PTPRT: variants seen among roughly 807,000 people sequenced by gnomAD.
The protein encoded by PTPRT is receptor-type tyrosine-protein phosphatase T.
A neutral mutation model predicts 176.8 loss-of-function variants in PTPRT; 56 were observed. The ratio of observed to expected loss-of-function variants is 0.32; its 90% confidence interval spans 0.26 to 0.40. PTPRT has a LOEUF of 0.40. PTPRT is among the 10% of genes least tolerant of loss of function. The probability of loss-of-function intolerance (pLI) is 1.00; values close to 1 mark genes in which losing one functional copy is unlikely to be tolerated. For synonymous variants in PTPRT, 783 were observed against 739.0 expected, an observed-to-expected ratio of 1.06 and a Z score of -0.96; for missense variants, 1,540 against 1,908.2, an observed-to-expected ratio of 0.81 and a Z score of 3.60.
intron 15 of PTPRT, among the ~76,000 whole-genome samples, chr20:42,213,270 G>GAATT (rs1162627307): frequency 2.8e-5 from 2 of 71,794 alleles, no homozygotes; most frequent in African/African-American, 6.7e-5. Context: ...CAGCAGGTCT[G>GAATT]AATTAGTAAA....
intron 13 of PTPRT, among the ~76,000 whole-genome samples, chr20:42,256,973 C>T (rs2056652970): frequency 6.6e-6 from 1 of 152,152 alleles, no homozygotes; most frequent in African/African-American, 2.4e-5. Flanking sequence ...CCAGCTTTAC[C>T]ATCTCTTATT....
intron 1 of PTPRT, among the ~76,000 whole-genome samples, chr20:42,890,037 C>T (rs2079166383): frequency 6.6e-6 from 1 of 152,164 alleles, no homozygotes; most frequent in South Asian, 2.1e-4. Context: ...AATTTCTCTG[C>T]AGGAATACTC....
intron 3 of PTPRT, among the ~76,000 whole-genome samples, chr20:42,789,236 T>C (rs960660010): frequency 1.7e-4 from 26 of 152,374 alleles, no homozygotes; most frequent in African/African-American, 6.0e-4. Context: ...TTAGATTGAT[T>C]ACATGTCCAA....
At chr20:42,213,994 C>G (rs2055708825) in intron 15 of PTPRT, among the ~76,000 whole-genome samples, 1 of 152,188 alleles carries the variant, frequency 6.6e-6, no homozygotes, top group African/African-American at 2.4e-5. Context: ...ATACCAGCCA[C>G]TATTCAAGGC....
chr20:42,074,487 C>T lies in PTPRT; in HGVS notation c.*6392G>A, dbSNP rs2144011. ...TCAAGGCCACCAGACACTCATTCTC[C>T]GAACATTCCAATTAAGGATCAGAGT... is the stretch of plus-strand genomic sequence containing the variant. On this transcript the variant is annotated 3_prime_UTR_variant, in exon 31 of 31. Transcript: ENST00000373187. 130,402 of 321,098 alleles carry T rather than the reference C, an allele frequency of 0.41. 26,834 individuals are homozygous for T. The highest frequency in any genetic ancestry group is 0.47 in the Admixed American group (9,490 of 20,272). The allele number at this position is 321,098 out of a possible 1,614,324, so 19.9% of individuals were successfully genotyped here.
chr20:42,215,244 G>A (rs2055741328), intron 15 of PTPRT, among the ~76,000 whole-genome samples: 1 of 152,114 alleles, frequency 6.6e-6, no homozygotes, highest in Non-Finnish European at 1.5e-5. Context: ...AATACCATGG[G>A]CTCTGGCCCT....
intron 7 of PTPRT, among the ~76,000 whole-genome samples, chr20:42,674,638 T>A (rs2075469368): frequency 6.6e-6 from 1 of 152,224 alleles, no homozygotes. Context: ...GATAAGGTAT[T>A]ACCCAGTTTA....
intron 1 of PTPRT, among the ~76,000 whole-genome samples, chr20:42,981,060 G>T (rs149623870): frequency 2.7e-4 from 41 of 152,184 alleles, no homozygotes; most frequent in African/African-American, 9.2e-4. Context: ...AACACAGATG[G>T]CCTGAGAATT....
intron 15 of PTPRT, among the ~76,000 whole-genome samples, chr20:42,222,477 T>C (rs912043472): frequency 1.3e-5 from 2 of 152,200 alleles, no homozygotes; most frequent in South Asian, 4.1e-4. Context: ...TCCTTTCACT[T>C]GCCCCAAGGC....
At chr20:42,032,392 G>A in the PTPRT span, among the ~76,000 whole-genome samples, 4 of 152,168 alleles carry the variant, frequency 2.6e-5, no homozygotes, top group African/African-American at 9.7e-5. Context: ...TTCAAGGAGA[G>A]ACACTGATAA....
At chr20:43,177,495 A>AAAGATACC (rs1360196062) in intron 1 of PTPRT, among the ~76,000 whole-genome samples, 1 of 152,202 alleles carries the variant, frequency 6.6e-6, no homozygotes, top group Non-Finnish European at 1.5e-5. Context: ...CTGGAATGGG[A>AAAGATACC]AAGATACCAA....
At chr20:42,950,558 A>G (rs1168317017) in intron 1 of PTPRT, among the ~76,000 whole-genome samples, 3 of 152,094 alleles carry the variant, frequency 2.0e-5, no homozygotes, top group Non-Finnish European at 4.4e-5. Flanking sequence ...TCCAAACCCC[A>G]ACCTGAGAGG....
intron 7 of PTPRT, among the ~76,000 whole-genome samples, chr20:42,600,388 C>T (rs767660027): frequency 2.0e-5 from 3 of 152,216 alleles, no homozygotes; most frequent in Non-Finnish European, 4.4e-5. Context: ...GATCTGCCTG[C>T]ATTGGCCTCC....
intron 1 of PTPRT, among the ~76,000 whole-genome samples, chr20:42,931,866 C>A (rs1600569298): frequency 6.6e-6 from 1 of 152,146 alleles, no homozygotes. Context: ...ACCAGTAAAC[C>A]CTGGAATGAT....
intron 9 of PTPRT, among the ~76,000 whole-genome samples, chr20:42,354,567 C>G (rs1023038731): frequency 1.3e-5 from 2 of 152,226 alleles, no homozygotes; most frequent in Admixed American, 1.3e-4. Context: ...CCTGTGTACT[C>G]CTGTGTTCTA....
At chr20:42,098,954 G>A (rs1016261992) in intron 26 of PTPRT, among the ~76,000 whole-genome samples, 1 of 152,226 alleles carries the variant, frequency 6.6e-6, no homozygotes, top group Admixed American at 6.5e-5. Context: ...GTTTTGGGTC[G>A]GCCTGAGGCC....
chr20:42,310,292 T>G (rs1457115207), intron 12 of PTPRT, among the ~76,000 whole-genome samples: 5 of 151,948 alleles, frequency 3.3e-5, no homozygotes, highest in Non-Finnish European at 5.9e-5. Flanking sequence ...GTAAGTAGGA[T>G]GAAGGATACC....
chr20:42,907,793 T>C (rs1444376176), intron 1 of PTPRT, among the ~76,000 whole-genome samples: 3 of 150,684 alleles, frequency 2.0e-5, no homozygotes, highest in African/African-American at 7.5e-5. Context: ...ACTTCTCTCA[T>C]CCAGGAGAGC....
intron 7 of PTPRT, among the ~76,000 whole-genome samples, chr20:42,629,105 G>T (rs1294140235): frequency 6.6e-6 from 1 of 152,112 alleles, no homozygotes; most frequent in South Asian, 2.1e-4. Flanking sequence ...ATGGTAAGAG[G>T]AACAGATCTG....
Sources: gnomAD v4.1 joint callset for allele counts (sites outside exome capture counted in the v4.1 genomes callset) on GRCh38, gnomAD v4.1.1 for gene constraint, MANE v1.5 for transcripts, NCBI Gene and HGNC (gene_info 2026-07-23, HGNC 2026-07-21) for gene names.